The following TRPS1 variants were observed in gnomAD, a reference collection of about 807,000 sequenced individuals.
The protein encoded by TRPS1 is transcriptional repressor GATA binding 1.
Under a neutral mutation model 101.2 loss-of-function variants are expected in TRPS1, and 6 were observed. The observed-to-expected ratio is 0.06, with a 90% CI of 0.03 to 0.12. The LOEUF is 0.12. Among genes scored for constraint, TRPS1 ranks in the 10% least tolerant of loss-of-function variants. TRPS1 has a pLI of 1.00. For synonymous variants in TRPS1, 578 were observed against 589.8 expected (o/e 0.98, Z 0.29); for missense variants, 1,363 against 1,567.0 (o/e 0.87, Z 2.20).
intron 6 of TRPS1, among the ~76,000 whole-genome samples, chr8:115,417,416 T>C (rs1812948054): frequency 6.6e-6 from 1 of 152,158 alleles, no homozygotes; most frequent in African/African-American, 2.4e-5. Context: ...CCTGTAGCCA[T>C]AATGTATTCA....
In TRPS1 at chr8:115,476,299, G is replaced by A. The variant is rs201936124; in HGVS notation, c.2701-57847C>T. Reference sequence around the variant, plus strand: ...CTCCCAAAGTGCTGGGATTACAGGCGTGAGCCACCGCGCCCGGCCCAGAAA... The same window carrying A: ...CTCCCAAAGTGCTGGGATTACAGGCATGAGCCACCGCGCCCGGCCCAGAAA... On this transcript the variant is annotated intron_variant, in intron 5 of 6. Coordinates refer to ENST00000395715, the MANE Select transcript of TRPS1 (RefSeq NM_014112.5). 1.1e-4 allele frequency among the ~76,000 whole-genome samples: 2 copies of A among 18,416 alleles called. 1 individual carries two copies. The allele number at this position is 18,416 out of a possible 152,430, so 12.1% of individuals were successfully genotyped here.
chr8:115,518,850 A>G (rs1220394151), intron 5 of TRPS1, among the ~76,000 whole-genome samples: 1 of 151,876 alleles, frequency 6.6e-6, no homozygotes, highest in African/African-American at 2.4e-5. Context: ...ACACAATATC[A>G]ACAGATACAA....
intron 5 of TRPS1, among the ~76,000 whole-genome samples, chr8:115,577,358 T>C (rs1490730823): frequency 6.6e-6 from 1 of 152,180 alleles, no homozygotes; most frequent in East Asian, 1.9e-4. Context: ...AATGTATGGT[T>C]AAGAGTGGCC....
chr8:115,471,639 A>C (rs1442050371), intron 5 of TRPS1, among the ~76,000 whole-genome samples: 1 of 152,198 alleles, frequency 6.6e-6, no homozygotes, highest in Non-Finnish European at 1.5e-5. Context: ...CAAAAGTCCA[A>C]GTCCAAAGTC....
At chr8:115,562,882 G>C (rs1295244572) in intron 5 of TRPS1, among the ~76,000 whole-genome samples, 7 of 116,712 alleles carry the variant, frequency 6.0e-5, no homozygotes, top group African/African-American at 4.9e-4. Context: ...GTGTCTGTGT[G>C]TGTGTGTGTG....
chr8:115,423,410 T>C (rs1483505178), intron 5 of TRPS1, among the ~76,000 whole-genome samples: 1 of 152,220 alleles, frequency 6.6e-6, no homozygotes, highest in East Asian at 1.9e-4. Context: ...TTTTGAGCAC[T>C]TGATCCCTTT....
chr8:115,513,972 A>C (rs1815647494), intron 5 of TRPS1, among the ~76,000 whole-genome samples: 1 of 151,750 alleles, frequency 6.6e-6, no homozygotes, highest in Non-Finnish European at 1.5e-5. Context: ...CCTAGGTAAC[A>C]AAAGACTATA....
intron 1 of TRPS1, among the ~76,000 whole-genome samples, chr8:115,658,291 A>G (rs1811720456): frequency 6.6e-6 from 1 of 152,112 alleles, no homozygotes; most frequent in South Asian, 2.1e-4. Context: ...AAGCTAGAGA[A>G]TGCCTTGAGT....
chr8:115,426,954 G>A (rs1586262570), intron 5 of TRPS1, among the ~76,000 whole-genome samples: 1 of 151,992 alleles, frequency 6.6e-6, no homozygotes. Context: ...CTAAGTCTAG[G>A]CAATATGACA....
At chr8:115,523,947 T>C (rs1406390056) in intron 5 of TRPS1, among the ~76,000 whole-genome samples, 1 of 152,170 alleles carries the variant, frequency 6.6e-6, no homozygotes, top group Non-Finnish European at 1.5e-5. Flanking sequence ...TTAAGACTAG[T>C]TTAGCCTTCA....
chr8:115,499,612 C>T lies in TRPS1; in HGVS notation c.2701-81160G>A, dbSNP rs201830780. ...TTAAATCAACAAGAACATTAGAGCCCTAATCAGAACCACAAGCTAGGGATT... is the reference window on the plus strand; with the variant it reads ...TTAAATCAACAAGAACATTAGAGCCTTAATCAGAACCACAAGCTAGGGATT... On this transcript the variant is annotated intron_variant, in intron 5 of 6. Transcript: ENST00000395715. 5.9e-5 allele frequency among the ~76,000 whole-genome samples: 9 copies of T among 152,270 alleles called. No homozygotes were observed. The East Asian group carries it at 1.5e-3, about 26-fold the overall frequency.
At chr8:115,655,860 CA>C (rs200372397) in intron 1 of TRPS1, among the ~76,000 whole-genome samples, 1 of 152,070 alleles carries the variant, frequency 6.6e-6, no homozygotes, top group East Asian at 1.9e-4. Flanking sequence ...TAACAAGATT[CA>C]AAATCAGCAC....
intron 1 of TRPS1, among the ~76,000 whole-genome samples, chr8:115,657,461 T>C (rs1206821745): frequency 6.6e-6 from 1 of 152,160 alleles, no homozygotes; most frequent in Non-Finnish European, 1.5e-5. Flanking sequence ...CTGATGTTAT[T>C]GAATTTATAA....
At chr8:115,458,993 A>G (rs1297522735) in intron 5 of TRPS1, among the ~76,000 whole-genome samples, 1 of 152,184 alleles carries the variant, frequency 6.6e-6, no homozygotes, top group Non-Finnish European at 1.5e-5. Context: ...ATCCACAATA[A>G]CTTTTAACTA....
Position 115,668,532 on chromosome 8 carries a change from C to CT in TRPS1, c.-122+12dup, listed in dbSNP as rs1811989511. Reference sequence around the variant, plus strand: ...CCCCGGCCCCGCGGCCCGCTCGGGCCTCCCCTCCTTACCTGTTGATTAATC... The same window carrying CT: ...CCCCGGCCCCGCGGCCCGCTCGGGCCTTCCCCTCCTTACCTGTTGATTAATC... On this transcript the variant is annotated intron_variant, in intron 1 of 6. Coordinates refer to ENST00000395715, the MANE Select transcript of TRPS1 (RefSeq NM_014112.5). The CT allele has an allele frequency of 6.8e-6, 1 of 147,208 alleles. No homozygotes were observed. The highest frequency in any genetic ancestry group is 2.1e-4 in the South Asian group (1 of 4,874). The allele number at this position is 147,208 out of a possible 1,614,324, so 9.1% of individuals were successfully genotyped here. A position where few individuals can be genotyped will look rare whatever the true frequency, so the allele number is the denominator to read the frequency against.
chr8:115,548,768 A>G (rs1396112698), intron 5 of TRPS1, among the ~76,000 whole-genome samples: 2 of 152,242 alleles, frequency 1.3e-5, no homozygotes, highest in African/African-American at 4.8e-5. Flanking sequence ...CTACATTCAA[A>G]TTCATAAAAG....
chr8:115,640,957 A>G (rs1818882067), intron 1 of TRPS1, among the ~76,000 whole-genome samples: 1 of 152,166 alleles, frequency 6.6e-6, no homozygotes, highest in Non-Finnish European at 1.5e-5. Flanking sequence ...AAGCAATTCA[A>G]TTGCTTAAAC....
chr8:115,613,933 G>T (rs1818223866), intron 3 of TRPS1, among the ~76,000 whole-genome samples: 1 of 152,200 alleles, frequency 6.6e-6, no homozygotes, highest in South Asian at 2.1e-4. Flanking sequence ...ACAAGGGTTT[G>T]TATGATATTC....
intron 5 of TRPS1, among the ~76,000 whole-genome samples, chr8:115,561,987 C>T (rs1049145868): frequency 2.0e-5 from 3 of 151,918 alleles, no homozygotes; most frequent in Admixed American, 6.6e-5. Flanking sequence ...TAATGATGAA[C>T]GAAGAATTAC....
Sources: gnomAD v4.1 joint callset for allele counts (sites outside exome capture counted in the v4.1 genomes callset) on GRCh38, gnomAD v4.1.1 for gene constraint, MANE v1.5 for transcripts, NCBI Gene and HGNC (gene_info 2026-07-23, HGNC 2026-07-21) for gene names.